The following PARG variants were observed in gnomAD, a reference collection of about 807,000 sequenced individuals.
PARG encodes the protein mitochondrial poly(ADP-ribose) glycohydrolase.
Under a neutral mutation model 113.0 loss-of-function variants are expected in PARG, and 35 were observed. That is an observed-to-expected ratio of 0.31 (90% confidence interval 0.24 to 0.41). The LOEUF is 0.41. Ranked by LOEUF, PARG falls within the 10% of genes least tolerant of loss-of-function variation. The pLI, the probability that PARG is intolerant of heterozygous loss-of-function variation, is 1.00. For missense variants in PARG, 797 were observed against 1,169.4 expected (o/e 0.68, Z 4.64); for synonymous variants, 330 against 409.9 (o/e 0.81, Z 2.36).
chr10:49,896,285 T>C (rs1320582084), intron 7 of PARG, among the ~76,000 whole-genome samples: 1 of 152,164 alleles, frequency 6.6e-6, no homozygotes, highest in Admixed American at 6.5e-5. Flanking sequence ...TTATTGTTGT[T>C]TTGTTTTGTT....
At chr10:49,910,705 T>A (rs1554845994) in intron 7 of PARG, among the ~76,000 whole-genome samples, 2 of 152,192 alleles carry the variant, frequency 1.3e-5, no homozygotes, top group African/African-American at 4.8e-5. Flanking sequence ...TCCATTTTCT[T>A]AAGAAGTTTG....
At chr10:49,825,364 C>T (rs1398044964) in intron 16 of PARG, among the ~76,000 whole-genome samples, 3 of 152,184 alleles carry the variant, frequency 2.0e-5, no homozygotes, top group Admixed American at 1.3e-4. Flanking sequence ...AGATCCAGAG[C>T]CTGCAGCCAA....
At chr10:49,935,822 T>A (rs1554910769) in intron 1 of PARG, among the ~76,000 whole-genome samples, 1 of 152,178 alleles carries the variant, frequency 6.6e-6, no homozygotes, top group Non-Finnish European at 1.5e-5. Context: ...AAAGAAAATA[T>A]GGTTGAAAAG....
rs549639604 is a variant in PARG, at chr10:49,924,285, T to C, written c.1456-1616A>G. 1.4e-3 allele frequency among the ~76,000 whole-genome samples: 209 copies of C among 151,866 alleles called. 1 individual carries two copies. Among genetic ancestry groups the C allele is most frequent in the African/African-American group, 4.8e-3 (197 of 41,394 alleles). On this transcript the variant is annotated intron_variant, in intron 4 of 17. Transcript: ENST00000616448. ...CCTTTTGTGTCTGGCCTTTTTCACTTAGCATAATGTTTTCAAGATTAATCC... is the reference window on the plus strand; with the variant it reads ...CCTTTTGTGTCTGGCCTTTTTCACTCAGCATAATGTTTTCAAGATTAATCC...
At chr10:49,930,441 C>T (rs1216683749) in intron 4 of PARG, among the ~76,000 whole-genome samples, 4 of 152,016 alleles carry the variant, frequency 2.6e-5, no homozygotes, top group Non-Finnish European at 5.9e-5. Context: ...TCTGCACAGA[C>T]ATGACTTAAG....
chr10:49,928,610 T>A (rs1838334592), intron 4 of PARG, among the ~76,000 whole-genome samples: 1 of 152,196 alleles, frequency 6.6e-6, no homozygotes, highest in Admixed American at 6.5e-5. Flanking sequence ...GCTCAAGTAA[T>A]CCTTCTGCCT....
rs1331203102 is a variant in PARG at position 49,934,266 on chromosome 10, A to T, written c.285-103T>A. ...AGCAGTAATTAAACTCCCTGTGGTCAGCTGAGCACACAGCATGTCTTCTAT... is the reference window on the plus strand; with the variant it reads ...AGCAGTAATTAAACTCCCTGTGGTCTGCTGAGCACACAGCATGTCTTCTAT... On this transcript the variant is annotated intron_variant, in intron 2 of 17. Coordinates refer to ENST00000616448, the MANE Select transcript of PARG (RefSeq NM_003631.5). 13 of 639,438 alleles carry T rather than the reference A, an allele frequency of 2.0e-5. No homozygotes were observed. In the African/African-American group the frequency reaches 2.4e-4, roughly 12 times the overall value. 39.6% of individuals were successfully genotyped at this position (639,438 alleles called of 1,614,324 possible).
chr10:49,932,373 T>C lies in PARG; in HGVS notation c.1272-90A>G, dbSNP rs1485449018. ...AGCACAAAACTTACCCAGACGTTAT[T>C]GTTTAAAGTATGCCATACTTGGTCA... On this transcript the variant is annotated intron_variant, in intron 3 of 17. Transcript: ENST00000616448. 2.3e-4 allele frequency: 183 copies of C among 786,606 alleles called. 1 individual carries two copies. Among genetic ancestry groups the C allele is most frequent in the East Asian group, 2.2e-3 (89 of 40,942 alleles). The allele number at this position is 786,606 out of a possible 1,614,324, so 48.7% of individuals were successfully genotyped here.
At chr10:49,935,764 G>A (rs1276055620) in intron 1 of PARG, among the ~76,000 whole-genome samples, 6 of 152,088 alleles carry the variant, frequency 3.9e-5, no homozygotes, top group Non-Finnish European at 8.8e-5. Flanking sequence ...AAAATTATAA[G>A]CAAAGGCACC....
intron 7 of PARG, among the ~76,000 whole-genome samples, chr10:49,902,186 T>C (rs1848375552): frequency 3.9e-5 from 6 of 152,206 alleles, no homozygotes; most frequent in Admixed American, 1.3e-4. Context: ...CAACTACAGA[T>C]GATTAAATCT....
At chr10:49,937,556 C>CA (rs1286724671) in intron 1 of PARG, among the ~76,000 whole-genome samples, 1 of 151,510 alleles carries the variant, frequency 6.6e-6, no homozygotes, top group Non-Finnish European at 1.5e-5. Flanking sequence ...GAAGTTAAAA[C>CA]ATCTTTTTTC....
chr10:49,822,985 T>C (rs1282091281), intron 16 of PARG, among the ~76,000 whole-genome samples: 1 of 152,216 alleles, frequency 6.6e-6, no homozygotes, highest in Non-Finnish European at 1.5e-5. Context: ...ATGCAGTAGC[T>C]GACCCTGGAC....
At position 49,933,898 on chromosome 10, in the gene PARG, T is replaced by C. The variant is rs1227191207; in HGVS notation, c.550A>G (p.Asn184Asp). Residue 184 changes from asparagine to aspartate, a missense_variant, in exon 3 of 18, where the codon AAT (asparagine) becomes GAT (aspartate). This residue lies in a region of PARG where 284 missense variants were observed against 306.1 expected (regional missense o/e 0.93). Transcript: ENST00000616448. Reference protein sequence around the residue: ...TVTLVPEQFSNANIDRSPQND... With the variant: ...TVTLVPEQFSDANIDRSPQND... ...TGAGGTGACCGATCAATGTTAGCAT[T>C]ACTAAACTGCTCTGGTACCAGGGTT... is the stretch of plus-strand genomic sequence containing the variant. 2 of 1,600,828 alleles carry C rather than the reference T, an allele frequency of 1.2e-6. No homozygotes were observed. Among genetic ancestry groups the C allele is most frequent in the African/African-American group, 2.7e-5 (2 of 74,648 alleles).
chr10:49,833,826 C>T (rs1844785787), intron 15 of PARG, among the ~76,000 whole-genome samples: 2 of 152,114 alleles, frequency 1.3e-5, no homozygotes, highest in Non-Finnish European at 2.9e-5. Context: ...TAAAATATAG[C>T]TTACATATAA....
At chr10:49,874,854 A>C (rs1272742994) in intron 9 of PARG, among the ~76,000 whole-genome samples, 2 of 132,146 alleles carry the variant, frequency 1.5e-5, no homozygotes, top group African/African-American at 5.5e-5. Flanking sequence ...ACTCTGTCCC[A>C]AAAAAAACAA....
chr10:49,824,991 C>T (rs782087374), intron 16 of PARG, among the ~76,000 whole-genome samples: 7 of 152,014 alleles, frequency 4.6e-5, no homozygotes, highest in Non-Finnish European at 5.9e-5. Context: ...TTTATTCAAA[C>T]GATTTAAATG....
rs1843948463 is a variant in PARG at position 49,819,317 on chromosome 10, G to A, written c.*23C>T. 6.5e-7 allele frequency: 1 copy of A among 1,543,138 alleles called. No homozygotes were observed. The highest frequency in any genetic ancestry group is 1.4e-5 in the African/African-American group (1 of 72,786). On this transcript the variant is annotated 3_prime_UTR_variant, in exon 18 of 18. Coordinates refer to ENST00000616448, the MANE Select transcript of PARG (RefSeq NM_003631.5). The stretch of plus-strand genomic sequence containing the variant: ...AGGACGTCTCTGGTGGGAGGTGGGA[G>A]GAGATGCTATTCGCTCGGCTCCTCA...
At chr10:49,935,200 T>A in intron 1 of PARG, 58 bp from the exon 2 acceptor site, 1 of 673,938 alleles carries the variant, frequency 1.5e-6, no homozygotes, top group South Asian at 1.7e-5. Context: ...ATACAGCATA[T>A]TGTACATGCA....
intron 15 of PARG, 109 bp from the exon 16 acceptor site, chr10:49,833,017 A>T: frequency 2.1e-6 from 1 of 481,746 alleles, no homozygotes; most frequent in South Asian, 4.8e-5. Context: ...TCAATTTCTC[A>T]TTTTTTTTTT....
Sources: gnomAD v4.1 joint callset for allele counts (sites outside exome capture counted in the v4.1 genomes callset) on GRCh38, gnomAD v4.1.1 for gene constraint, gnomAD v4.1.1 regional missense constraint, MANE v1.5 for transcripts, NCBI Gene and HGNC (gene_info 2026-07-23, HGNC 2026-07-21) for gene names.